The following ELOVL6 variants were observed in gnomAD, a reference collection of about 807,000 sequenced individuals.
ELOVL6 encodes very long chain fatty acid elongase 6.
ELOVL6 carries 8 observed loss-of-function variants against 31.7 expected under a neutral mutation model. The ratio of observed to expected loss-of-function variants is 0.25; its 90% CI spans 0.15 to 0.45. The LOEUF is 0.45. Ranked by LOEUF, ELOVL6 falls within the 20% of genes least tolerant of loss-of-function variation. The pLI is 1.00. For missense variants in ELOVL6, 126 were observed against 326.4 expected, an observed-to-expected ratio of 0.39 and a Z score of 4.73; for synonymous variants, 101 against 117.7, an observed-to-expected ratio of 0.86 and a Z score of 0.92.
intron 2 of ELOVL6, among the ~76,000 whole-genome samples, chr4:110,085,285 A>G (rs1342818452): frequency 1.3e-5 from 2 of 152,190 alleles, no homozygotes; most frequent in Admixed American, 1.3e-4. Context: ...ATGGCTCTGC[A>G]TGGATGGCAT....
Position 110,172,893 on chromosome 4 carries a change from TC to T in ELOVL6, c.89+25353del, listed in dbSNP as rs1302297966. 5.9e-5 allele frequency among the ~76,000 whole-genome samples: 9 copies of T among 152,158 alleles called. No homozygotes were observed. The South Asian group carries it at 1.9e-3, about 32-fold the overall frequency. ...GGGGAAAAAGGAAAACCAACAATAC[TC>T]CCTGGACCTCCCAAACCTTCTTGTC... On this transcript the variant is annotated intron_variant, in intron 1 of 3. Transcript: ENST00000302274.
chr4:110,134,902 T>A (rs930234132), intron 1 of ELOVL6, among the ~76,000 whole-genome samples: 5 of 151,990 alleles, frequency 3.3e-5, no homozygotes, highest in Non-Finnish European at 7.4e-5. Context: ...CTGCAGTAAG[T>A]TGTGATCATA....
intron 1 of ELOVL6, among the ~76,000 whole-genome samples, chr4:110,175,793 T>C (rs1759085125): frequency 6.6e-6 from 1 of 152,158 alleles, no homozygotes. Context: ...AAAGTCTAAG[T>C]CATGCCTTCA....
chr4:110,156,096 TAAG>T (rs1338524768), intron 1 of ELOVL6, among the ~76,000 whole-genome samples: 1 of 152,058 alleles, frequency 6.6e-6, no homozygotes, highest in African/African-American at 2.4e-5. Flanking sequence ...GAATAGAAAA[TAAG>T]AAGGGGAAGA....
intron 1 of ELOVL6, among the ~76,000 whole-genome samples, chr4:110,189,520 G>A (rs1578291072): frequency 6.7e-6 from 1 of 150,072 alleles, no homozygotes; most frequent in African/African-American, 2.5e-5. Context: ...CCAGAAGGTG[G>A]GAGTTGCAGT....
chr4:110,066,578 G>A (rs1223353497), intron 2 of ELOVL6, among the ~76,000 whole-genome samples: 1 of 141,030 alleles, frequency 7.1e-6, no homozygotes, highest in Non-Finnish European at 1.5e-5. Flanking sequence ...GGGGGAGCCT[G>A]CAGTAAGCCG....
intron 1 of ELOVL6, among the ~76,000 whole-genome samples, chr4:110,120,075 CAGA>C (rs1195281431): frequency 6.6e-6 from 1 of 152,152 alleles, no homozygotes; most frequent in African/African-American, 2.4e-5. Context: ...CTTTGAAAGT[CAGA>C]AGGTTAATGT....
chr4:110,092,828 C>T (rs973053586), intron 2 of ELOVL6, among the ~76,000 whole-genome samples: 1 of 152,148 alleles, frequency 6.6e-6, no homozygotes, highest in Non-Finnish European at 1.5e-5. Context: ...CACGTGCACA[C>T]ATCCCAAACC....
At chr4:110,067,080 G>A (rs1384974896) in intron 2 of ELOVL6, among the ~76,000 whole-genome samples, 1 of 152,184 alleles carries the variant, frequency 6.6e-6, no homozygotes, top group African/African-American at 2.4e-5. Flanking sequence ...AAGCCAAAGT[G>A]TAGATTTTCT....
chr4:110,079,687 G>T (rs1352606086), intron 2 of ELOVL6, among the ~76,000 whole-genome samples: 1 of 152,100 alleles, frequency 6.6e-6, no homozygotes, highest in Non-Finnish European at 1.5e-5. Flanking sequence ...AACTAGAGAA[G>T]CAAGAGCAAA....
intron 2 of ELOVL6, among the ~76,000 whole-genome samples, chr4:110,074,012 A>G (rs191490987): frequency 2.6e-5 from 4 of 152,324 alleles, no homozygotes; most frequent in African/African-American, 9.6e-5. Flanking sequence ...ATGCAATGGG[A>G]GCAGGGAATG....
At chr4:110,062,129 TA>T (rs1755159357) in intron 2 of ELOVL6, among the ~76,000 whole-genome samples, 2 of 152,128 alleles carry the variant, frequency 1.3e-5, no homozygotes, top group Non-Finnish European at 2.9e-5. Flanking sequence ...GTATTTGAAT[TA>T]GGGGCAAATA....
upstream of ELOVL6, chr4:110,198,869 G>A (rs778920012): frequency 4.1e-4 from 62 of 152,638 alleles, no homozygotes; most frequent in Admixed American, 1.1e-3. Context: ...TTTGAATGAA[G>A]TTTCAGCTTG....
At chr4:110,187,948 T>C (rs927332263) in intron 1 of ELOVL6, among the ~76,000 whole-genome samples, 3 of 152,220 alleles carry the variant, frequency 2.0e-5, no homozygotes, top group Non-Finnish European at 4.4e-5. Context: ...TTCCTGTAAC[T>C]ATTTCTTACC....
chr4:110,186,345 G>T lies in ELOVL6; in HGVS notation c.89+11902C>A, dbSNP rs17041404. Reference sequence around the variant, plus strand: ...CAAGAAAACTTATTTTGAGACATCTGATAGCCTACCCATCTCTCTCCTACC... The same window carrying T: ...CAAGAAAACTTATTTTGAGACATCTTATAGCCTACCCATCTCTCTCCTACC... On this transcript the variant is annotated intron_variant, in intron 1 of 3. Transcript: ENST00000302274. Among the ~76,000 whole-genome samples, 1,237 of 152,120 alleles carry T rather than the reference G, an allele frequency of 8.1e-3. 12 individuals carry two copies. The highest frequency in any genetic ancestry group is 0.013 in the Non-Finnish European group (908 of 67,992).
chr4:110,103,087 T>C (rs1260809007), intron 2 of ELOVL6, among the ~76,000 whole-genome samples: 2 of 152,180 alleles, frequency 1.3e-5, no homozygotes, highest in Non-Finnish European at 2.9e-5. Context: ...GCCTCTACCA[T>C]GTAAGAAGTG....
chr4:110,158,657 A>ATTTTTT (rs1184682018), intron 1 of ELOVL6, among the ~76,000 whole-genome samples: 2 of 74,160 alleles, frequency 2.7e-5, no homozygotes, highest in Non-Finnish European at 4.6e-5. Flanking sequence ...ATATATATAT[A>ATTTTTT]TTTTTTTTTT....
Position 110,084,044 on chromosome 4 carries a change from A to G in ELOVL6, c.221+21453T>C, listed in dbSNP as rs1481483730. On this transcript the variant is annotated intron_variant, in intron 2 of 3. Coordinates refer to ENST00000302274, the MANE Select transcript of ELOVL6 (RefSeq NM_024090.3). The stretch of plus-strand genomic sequence containing the variant: ...ACATATGCCATATATGGTATATAAC[A>G]CATGCTATATATGATATATAACATA... 1.5e-4 allele frequency among the ~76,000 whole-genome samples: 5 copies of G among 33,272 alleles called. 1 individual carries two copies. The highest frequency in any genetic ancestry group is 4.5e-4 in the Non-Finnish European group (5 of 11,014). 21.8% of individuals were successfully genotyped at this position (33,272 alleles called of 152,430 possible). A position where few individuals can be genotyped will look rare whatever the true frequency, so the allele number is the denominator to read the frequency against.
At chr4:110,161,264 G>A (rs1758623693) in intron 1 of ELOVL6, among the ~76,000 whole-genome samples, 1 of 152,172 alleles carries the variant, frequency 6.6e-6, no homozygotes, top group African/African-American at 2.4e-5. Flanking sequence ...GCACTGTTAA[G>A]TCCATAGAGT....
Sources: allele counts gnomAD v4.1 joint callset (sites outside exome capture counted in the v4.1 genomes callset), GRCh38; gene constraint gnomAD v4.1.1; transcripts MANE v1.5; gene names NCBI Gene and HGNC (gene_info 2026-07-23, HGNC 2026-07-21).